The following ASIP variants were observed in gnomAD, a reference collection of about 807,000 sequenced individuals.
The protein encoded by ASIP is agouti signaling protein, also known as agouti-signaling protein.
A neutral mutation model predicts 10.3 loss-of-function variants in ASIP; 11 were observed. That is an observed-to-expected ratio of 1.07 (90% CI 0.68 to 1.78). ASIP has a LOEUF of 1.78. Ranked by LOEUF, ASIP falls within the 40% of genes most tolerant of loss-of-function variation. The pLI is 0.00. For missense variants in ASIP, 180 were observed against 169.2 expected (o/e 1.06, Z -0.35); for synonymous variants, 70 against 70.8 (o/e 0.99, Z 0.06).
At chr20:34,235,771 T>A (rs1226601133) in intron 1 of ASIP, among the ~76,000 whole-genome samples, 1 of 125,396 alleles carries the variant, frequency 8.0e-6, no homozygotes, top group Non-Finnish European at 1.7e-5. Flanking sequence ...TGTGACAGAG[T>A]GAGACTCTGA....
intron 1 of ASIP, chr20:34,245,934 T>C (rs368848313): frequency 2.0e-6 from 3 of 1,525,490 alleles, no homozygotes; most frequent in African/African-American, 1.4e-5. Flanking sequence ...GGCCATTAAA[T>C]ACAGACAAAT....
upstream of ASIP, among the ~76,000 whole-genome samples, chr20:34,191,781 G>C (rs1377044911): frequency 7.2e-6 from 1 of 139,376 alleles, no homozygotes; most frequent in Non-Finnish European, 1.5e-5. Flanking sequence ...CCAGGCTGGA[G>C]AGCAATGGCA....
chr20:34,262,824 CTT>C lies in ASIP; in HGVS notation c.161-6_161-5del. ...ATCTGACTTTGCTCCTTTTGTCTCT[CTT>C]TGAAGCGCTGAACAAGAAATCCAAA... On this transcript the variant is annotated splice_polypyrimidine_tract_variant and splice_region_variant and intron_variant, in intron 2 of 3. Transcript: ENST00000374954. The C allele has an allele frequency of 6.2e-7, 1 of 1,613,838 alleles. No homozygotes were observed. Among genetic ancestry groups the C allele is most frequent in the East Asian group, 2.2e-5 (1 of 44,880 alleles).
the ASIP span, among the ~76,000 whole-genome samples, chr20:34,189,343 A>G: frequency 6.6e-6 from 1 of 152,040 alleles, no homozygotes; most frequent in Non-Finnish European, 1.5e-5. Flanking sequence ...CCCGGGTTCA[A>G]GTGATTCTCC....
At chr20:34,217,020 G>A (rs188222523) in intron 1 of ASIP, among the ~76,000 whole-genome samples, 1 of 152,252 alleles carries the variant, frequency 6.6e-6, no homozygotes. Flanking sequence ...GAATAGGCTA[G>A]AGGCTGAAAC....
At chr20:34,223,482 G>A (rs1470950631) in intron 1 of ASIP, among the ~76,000 whole-genome samples, 587 of 133,890 alleles carry the variant, frequency 4.4e-3, no homozygotes, top group East Asian at 0.016. Flanking sequence ...CAGCCACCCC[G>A]TCCGGGAGGG....
upstream of ASIP, among the ~76,000 whole-genome samples, chr20:34,192,727 T>A (rs1290263528): frequency 6.6e-6 from 1 of 152,184 alleles, no homozygotes; most frequent in African/African-American, 2.4e-5. Flanking sequence ...CATACCTTGT[T>A]GCCAAAGTTT....
chr20:34,231,812 C>A (rs1294261848), intron 1 of ASIP, among the ~76,000 whole-genome samples: 1 of 152,168 alleles, frequency 6.6e-6, no homozygotes, highest in African/African-American at 2.4e-5. Context: ...TACTATGTAC[C>A]TATTAGAATT....
chr20:34,208,012 C>G (rs896507815), intron 1 of ASIP, among the ~76,000 whole-genome samples: 2 of 152,026 alleles, frequency 1.3e-5, no homozygotes, highest in Non-Finnish European at 2.9e-5. Flanking sequence ...CTCCTGACCT[C>G]GTGATCCACC....
the ASIP span, among the ~76,000 whole-genome samples, chr20:34,188,760 A>T: frequency 2.0e-5 from 3 of 152,164 alleles, no homozygotes; most frequent in Non-Finnish European, 4.4e-5. Context: ...TGGGTTGGAG[A>T]TATGGTTGAA....
At chr20:34,201,528 T>A (rs759578537) in intron 1 of ASIP, among the ~76,000 whole-genome samples, 1 of 152,210 alleles carries the variant, frequency 6.6e-6, no homozygotes, top group African/African-American at 2.4e-5. Flanking sequence ...AAACATTTGA[T>A]GTAATAAAAC....
At chr20:34,268,924 C>T in intron 3 of ASIP, 67 bp from the exon 4 acceptor site, 1 of 1,540,408 alleles carries the variant, frequency 6.5e-7, no homozygotes, top group East Asian at 2.4e-5. Context: ...GAGGAGCTCC[C>T]AGGCAGAGGT....
At chr20:34,223,071 G>A (rs1254528676) in intron 1 of ASIP, among the ~76,000 whole-genome samples, 1 of 151,950 alleles carries the variant, frequency 6.6e-6, no homozygotes, top group African/African-American at 2.4e-5. Flanking sequence ...AGTGAGGAGT[G>A]TCTCTGCCTG....
chr20:34,234,943 A>C (rs183795602), intron 1 of ASIP: 9 of 152,190 alleles, frequency 5.9e-5, no homozygotes, highest in South Asian at 4.1e-4. Flanking sequence ...ATTTGATTTA[A>C]TCTTGTGTTG....
At chr20:34,244,396 T>C (rs545112468) in intron 1 of ASIP, among the ~76,000 whole-genome samples, 1 of 152,290 alleles carries the variant, frequency 6.6e-6, no homozygotes, top group African/African-American at 2.4e-5. Context: ...ATAGCCAGAA[T>C]AAGAACCTCT....
At chr20:34,227,706 A>AT (rs1208810280) in intron 1 of ASIP, among the ~76,000 whole-genome samples, 8 of 152,144 alleles carry the variant, frequency 5.3e-5, no homozygotes, top group African/African-American at 1.9e-4. Flanking sequence ...AGTTCTCCCC[A>AT]GGTTTATCAA....
upstream of ASIP, among the ~76,000 whole-genome samples, chr20:34,240,934 G>T (rs1054021278): frequency 6.6e-6 from 1 of 152,128 alleles, no homozygotes; most frequent in Non-Finnish European, 1.5e-5. Context: ...AAGGCATGAC[G>T]TTTGCTTGGC....
At chr20:34,226,501 C>T (rs1188081635) in intron 1 of ASIP, among the ~76,000 whole-genome samples, 2 of 152,036 alleles carry the variant, frequency 1.3e-5, no homozygotes, top group Non-Finnish European at 2.9e-5. Flanking sequence ...TACAGGTGCA[C>T]ACCACAAGGC....
intron 1 of ASIP, among the ~76,000 whole-genome samples, chr20:34,223,816 T>G (rs1249535623): frequency 1.1e-4 from 14 of 124,150 alleles, no homozygotes; most frequent in Admixed American, 9.6e-4. Context: ...ATCGGATGGT[T>G]GCCGTGTCTG....
Sources: allele counts gnomAD v4.1 joint callset (sites outside exome capture counted in the v4.1 genomes callset), GRCh38; gene constraint gnomAD v4.1.1; transcripts MANE v1.5; gene names NCBI Gene and HGNC (gene_info 2026-07-23, HGNC 2026-07-21).